Variants in BMPER observed in about 807,000 individuals in gnomAD.
BMPER encodes the protein BMP-binding endothelial regulator protein.
A neutral mutation model predicts 87.3 loss-of-function variants in BMPER; 45 were observed. That is an observed-to-expected ratio of 0.52 (90% confidence interval 0.41 to 0.66). The LOEUF (loss-of-function observed/expected upper bound fraction) is 0.66, where lower values mean the gene tolerates loss of function less well. Ranked by LOEUF, BMPER falls within the 30% of genes least tolerant of loss-of-function variation. BMPER has a pLI of 0.00. For synonymous variants in BMPER, 326 were observed against 316.2 expected, an observed-to-expected ratio of 1.03 and a Z score of -0.33; for missense variants, 784 against 867.5, an observed-to-expected ratio of 0.90 and a Z score of 1.21.
chr7:34,143,944 G>A (rs1790948576), intron 14 of BMPER, among the ~76,000 whole-genome samples: 1 of 152,294 alleles, frequency 6.6e-6, no homozygotes, highest in African/African-American at 2.4e-5. Flanking sequence ...ACTTTCATGA[G>A]TATAAGAGAT....
intron 13 of BMPER, among the ~76,000 whole-genome samples, chr7:34,119,636 G>A (rs1308082009): frequency 1.3e-5 from 2 of 152,010 alleles, no homozygotes; most frequent in African/African-American, 2.4e-5. Flanking sequence ...TTTTCTAAAG[G>A]AAATAGAAGG....
At chr7:33,952,206 A>G (rs1375134023) in intron 3 of BMPER, among the ~76,000 whole-genome samples, 1 of 152,202 alleles carries the variant, frequency 6.6e-6, no homozygotes, top group Non-Finnish European at 1.5e-5. Flanking sequence ...CATCATATAG[A>G]ATGAACCTTT....
chr7:33,945,634 T>C (rs1277388006), intron 3 of BMPER, among the ~76,000 whole-genome samples: 1 of 152,154 alleles, frequency 6.6e-6, no homozygotes, highest in Non-Finnish European at 1.5e-5. Flanking sequence ...CCATGTAGTA[T>C]TGAAGCACTG....
chr7:34,060,667 C>G (rs754702912), intron 10 of BMPER, among the ~76,000 whole-genome samples: 1 of 152,134 alleles, frequency 6.6e-6, no homozygotes, highest in Non-Finnish European at 1.5e-5. Context: ...AGTACTTAAG[C>G]CTACTCTTGA....
rs1787965539 is a variant in BMPER, at chr7:34,046,331, A to G, written c.602A>G (p.Glu201Gly). The G allele has an allele frequency of 6.2e-7, 1 of 1,613,786 alleles. No individual in the cohort carries two copies. Reference protein sequence around the residue: ...CTGGRTQCVREVCPILSCPQH... With the variant: ...CTGGRTQCVRGVCPILSCPQH... ...GGAGGCAGGACACAATGTGTGAGAG[A>G]AGTCTGTCCCATTCTCTCCTGTCCC... The change falls in exon 7 of 15, where the codon GAA (glutamate) becomes GGA (glycine). Residue 201 changes from glutamate (E) to glycine (G), a missense_variant. Coordinates refer to ENST00000649409, the MANE Select transcript of BMPER (RefSeq NM_001365308.1).
chr7:34,075,767 C>G (rs1788848626), intron 11 of BMPER, among the ~76,000 whole-genome samples: 2 of 152,174 alleles, frequency 1.3e-5, no homozygotes. Flanking sequence ...ATGCTGTGTT[C>G]TTTTCTGTCC....
chr7:33,909,693 A>AAAAAAG (rs10655768), intron 2 of BMPER, among the ~76,000 whole-genome samples: 2,664 of 138,850 alleles, frequency 0.019, 82 homozygotes, highest in African/African-American at 0.049. Context: ...AAAAAAAAAA[A>AAAAAAG]AAAGAAAGAA....
intron 6 of BMPER, among the ~76,000 whole-genome samples, chr7:34,045,816 C>G (rs1222910413): frequency 6.6e-6 from 1 of 152,036 alleles, no homozygotes; most frequent in Non-Finnish European, 1.5e-5. Context: ...GTCTACAGAA[C>G]CTATAGAAAG....
intron 6 of BMPER, among the ~76,000 whole-genome samples, chr7:34,016,823 G>A (rs576804664): frequency 6.6e-6 from 1 of 152,004 alleles, no homozygotes; most frequent in Admixed American, 6.6e-5. Context: ...GGGGGTGGAA[G>A]CAATGGGACC....
In BMPER at chr7:34,059,416, A is replaced by G. The variant is rs137955346; in HGVS notation, c.1032+1253A>G. On this transcript the variant is annotated intron_variant, in intron 10 of 14. Transcript: ENST00000649409. ...GGGAGGGGATGGTGGGGGGAGGTCA[A>G]CGTTCTTTATGTCACTGGTGTCTCA... is the stretch of plus-strand genomic sequence containing the variant. Among the ~76,000 whole-genome samples the G allele has an allele frequency of 2.1e-4, 32 of 152,148 alleles. No individual in the cohort carries two copies. The East Asian group carries it at 6.2e-3, about 30-fold the overall frequency.
chr7:33,928,041 T>G (rs1784400174), intron 2 of BMPER, among the ~76,000 whole-genome samples: 1 of 152,138 alleles, frequency 6.6e-6, no homozygotes, highest in African/African-American at 2.4e-5. Context: ...TTTGCAGGGC[T>G]TCCTTCTCCT....
rs1395861123 is a variant in BMPER, at chr7:34,153,337, T to C, written c.*64T>C. The C allele has an allele frequency of 1.9e-6, 3 of 1,567,764 alleles. No homozygotes were observed. Among genetic ancestry groups the C allele is most frequent in the Non-Finnish European group, 2.6e-6 (3 of 1,139,834 alleles). On this transcript the variant is annotated 3_prime_UTR_variant, in exon 15 of 15. Transcript: ENST00000649409. ...TTTGACACTGAAGCGGAAGAGCCAA[T>C]GAAGGACTGCAGTATTTGTGTGCCC...
intron 13 of BMPER, among the ~76,000 whole-genome samples, chr7:34,117,530 G>A (rs1024841350): frequency 2.6e-5 from 4 of 152,294 alleles, no homozygotes; most frequent in Non-Finnish European, 4.4e-5. Context: ...AGTCTCTCTA[G>A]GGAGAGACCA....
intron 2 of BMPER, among the ~76,000 whole-genome samples, chr7:33,918,487 A>G (rs896309305): frequency 6.6e-6 from 1 of 152,194 alleles, no homozygotes; most frequent in Non-Finnish European, 1.5e-5. Context: ...TGAATTCCAG[A>G]GACACTCACA....
intron 6 of BMPER, among the ~76,000 whole-genome samples, chr7:34,025,780 C>T (rs1218789209): frequency 6.6e-6 from 1 of 152,020 alleles, no homozygotes; most frequent in Non-Finnish European, 1.5e-5. Flanking sequence ...GCAGGGGAGC[C>T]TGGAGTGTGT....
intron 3 of BMPER, among the ~76,000 whole-genome samples, chr7:33,952,886 A>G (rs1785060955): frequency 1.3e-5 from 2 of 152,242 alleles, no homozygotes; most frequent in Non-Finnish European, 2.9e-5. Flanking sequence ...AACAAGACTA[A>G]TATGATAATG....
At chr7:34,140,389 C>T (rs756898348) in intron 13 of BMPER, among the ~76,000 whole-genome samples, 4 of 152,036 alleles carry the variant, frequency 2.6e-5, no homozygotes, top group Admixed American at 6.6e-5. Flanking sequence ...TTTTAACTTC[C>T]GAGACAAAAC....
chr7:34,043,268 A>C (rs1585769410), intron 6 of BMPER, among the ~76,000 whole-genome samples: 1 of 152,174 alleles, frequency 6.6e-6, no homozygotes, highest in Admixed American at 6.6e-5. Flanking sequence ...GGGATCTGGC[A>C]GGTAGACTTC....
intron 6 of BMPER, among the ~76,000 whole-genome samples, chr7:33,982,528 G>A (rs1420126197): frequency 6.6e-6 from 1 of 152,034 alleles, no homozygotes; most frequent in African/African-American, 2.4e-5. Context: ...TTCTTAAAGG[G>A]CTGGATAGCA....
Sources: allele counts gnomAD v4.1 joint callset (sites outside exome capture counted in the v4.1 genomes callset), GRCh38; gene constraint gnomAD v4.1.1; transcripts MANE v1.5; gene names NCBI Gene and HGNC (gene_info 2026-07-23, HGNC 2026-07-21).